KCNIP4: variants seen among roughly 807,000 people sequenced by gnomAD.
The protein encoded by KCNIP4 is potassium voltage-gated channel interacting protein 4, also known as Kv channel-interacting protein 4.
In KCNIP4, 12 loss-of-function variants were observed where a neutral mutation model predicts 34.0. That is an observed-to-expected ratio of 0.35 (90% CI 0.23 to 0.57). The LOEUF (loss-of-function observed/expected upper bound fraction) is 0.57, where lower values mean the gene tolerates loss of function less well. KCNIP4 is among the 20% of genes least tolerant of loss of function. The probability of loss-of-function intolerance (pLI) is 0.83; values close to 1 mark genes in which losing one functional copy is unlikely to be tolerated. For missense variants in KCNIP4, 238 were observed against 311.7 expected, an observed-to-expected ratio of 0.76 and a Z score of 1.78; for synonymous variants, 124 against 102.2, an observed-to-expected ratio of 1.21 and a Z score of -1.29.
At chr4:21,793,745 G>A (rs1720442595) in intron 1 of KCNIP4, among the ~76,000 whole-genome samples, 1 of 152,014 alleles carries the variant, frequency 6.6e-6, no homozygotes, top group Non-Finnish European at 1.5e-5. Context: ...GGGCCCAATT[G>A]CCACTTAAGG....
At chr4:21,393,581 C>T (rs1430177269) in intron 1 of KCNIP4, among the ~76,000 whole-genome samples, 2 of 152,068 alleles carry the variant, frequency 1.3e-5, no homozygotes, top group Non-Finnish European at 2.9e-5. Context: ...TCCATTAGCA[C>T]CTTGGTACGC....
intron 1 of KCNIP4, among the ~76,000 whole-genome samples, chr4:21,523,611 A>G (rs1735723997): frequency 6.6e-6 from 1 of 151,280 alleles, no homozygotes; most frequent in South Asian, 2.1e-4. Context: ...AGTCTCTATC[A>G]CCCAGGTTGG....
chr4:21,380,776 G>C (rs959250), intron 1 of KCNIP4, among the ~76,000 whole-genome samples: 143,388 of 151,978 alleles, frequency 0.94, 67,725 homozygotes, highest in African/African-American at 0.98. Flanking sequence ...CCTCAAAACT[G>C]ATTTTCCTCC....
intron 1 of KCNIP4, among the ~76,000 whole-genome samples, chr4:21,146,963 A>C (rs1252340479): frequency 6.6e-6 from 1 of 152,090 alleles, no homozygotes; most frequent in Non-Finnish European, 1.5e-5. Flanking sequence ...GTGTGTATGT[A>C]TATGTATATA....
At chr4:21,624,104 T>C (rs541828097) in intron 1 of KCNIP4, among the ~76,000 whole-genome samples, 17 of 152,220 alleles carry the variant, frequency 1.1e-4, no homozygotes, top group East Asian at 3.9e-4. Context: ...CTACAATGAA[T>C]AGCGCACAGG....
At chr4:20,760,847 A>G (rs1014774075) in intron 3 of KCNIP4, among the ~76,000 whole-genome samples, 3 of 152,160 alleles carry the variant, frequency 2.0e-5, no homozygotes, top group Non-Finnish European at 2.9e-5. Context: ...ACAAATGAGC[A>G]AGCAAGCAAG....
chr4:21,091,198 T>A (rs942828057), intron 1 of KCNIP4, among the ~76,000 whole-genome samples: 2 of 152,174 alleles, frequency 1.3e-5, no homozygotes, highest in Admixed American at 6.5e-5. Context: ...TCACTCAGCA[T>A]TTATGGAGAA....
At chr4:21,344,595 T>C (rs569970319) in intron 1 of KCNIP4, among the ~76,000 whole-genome samples, 4 of 152,226 alleles carry the variant, frequency 2.6e-5, no homozygotes, top group African/African-American at 4.8e-5. Flanking sequence ...ATAGGTATGA[T>C]GCAAGAAAAA....
chr4:21,727,157 G>A (rs2109104604), intron 1 of KCNIP4, among the ~76,000 whole-genome samples: 1 of 152,288 alleles, frequency 6.6e-6, no homozygotes, highest in East Asian at 1.9e-4. Context: ...CAATGTGATA[G>A]TATTAAGACA....
intron 1 of KCNIP4, among the ~76,000 whole-genome samples, chr4:20,919,475 G>A (rs975445412): frequency 6.6e-6 from 1 of 151,362 alleles, no homozygotes; most frequent in East Asian, 1.9e-4. Context: ...AGGCCGAGGC[G>A]GGCAGATCCC....
intron 1 of KCNIP4, among the ~76,000 whole-genome samples, chr4:20,902,607 C>G (rs984762935): frequency 3.3e-5 from 5 of 152,172 alleles, no homozygotes; most frequent in Non-Finnish European, 5.9e-5. Context: ...GCAACCACCA[C>G]CTCCCGGGTT....
At chr4:21,280,049 C>A (rs1433659558) in intron 1 of KCNIP4, among the ~76,000 whole-genome samples, 1 of 152,140 alleles carries the variant, frequency 6.6e-6, no homozygotes, top group Non-Finnish European at 1.5e-5. Flanking sequence ...TCTAGTCACT[C>A]AGTTTGTCTA....
Position 21,528,748 on chromosome 4 carries a change from AAAG to A in KCNIP4, c.61+419820_61+419822del, listed in dbSNP as rs1736296667. The stretch of plus-strand genomic sequence containing the variant: ...GAAAGAAAGAAAGAAAGAAAGAAAG[AAAG>A]AAAGAAAGAAAGAAAGAAAGAAAGA... On this transcript the variant is annotated intron_variant, in intron 1 of 8. Transcript: ENST00000382152. Among the ~76,000 whole-genome samples the A allele has an allele frequency of 1.9e-3, 24 of 12,668 alleles. 4 individuals are homozygous for A. Among genetic ancestry groups the A allele is most frequent in the African/African-American group, 7.9e-3 (22 of 2,784 alleles). 8.3% of individuals were successfully genotyped at this position (12,668 alleles called of 152,430 possible). A position where few individuals can be genotyped will look rare whatever the true frequency, so the allele number is the denominator to read the frequency against.
intron 1 of KCNIP4, among the ~76,000 whole-genome samples, chr4:21,942,316 C>A (rs1730248221): frequency 6.6e-6 from 1 of 152,090 alleles, no homozygotes; most frequent in Admixed American, 6.6e-5. Context: ...TACAAAGGAC[C>A]ATTTGTGGGG....
intron 1 of KCNIP4, among the ~76,000 whole-genome samples, chr4:21,419,440 A>G (rs890918595): frequency 2.6e-5 from 4 of 152,144 alleles, no homozygotes; most frequent in African/African-American, 9.7e-5. Context: ...GGGAGGCCAA[A>G]TTTAATATCG....
intron 1 of KCNIP4, among the ~76,000 whole-genome samples, chr4:21,578,931 C>A (rs543412280): frequency 5.0e-4 from 76 of 152,270 alleles, no homozygotes; most frequent in Non-Finnish European, 4.1e-4. Flanking sequence ...AGGTGCTTAA[C>A]AAATATCAGT....
At chr4:20,820,417 C>T (rs1421643778) in intron 3 of KCNIP4, among the ~76,000 whole-genome samples, 1 of 152,156 alleles carries the variant, frequency 6.6e-6, no homozygotes, top group Non-Finnish European at 1.5e-5. Flanking sequence ...TATGGAACAG[C>T]TTCTCTTGAC....
intron 1 of KCNIP4, among the ~76,000 whole-genome samples, chr4:21,077,968 A>G (rs1365918628): frequency 1.3e-5 from 2 of 152,104 alleles, no homozygotes; most frequent in African/African-American, 4.8e-5. Flanking sequence ...AAGATTTTTA[A>G]TATGAGTTTT....
At chr4:21,620,955 T>G (rs1744958331) in intron 1 of KCNIP4, among the ~76,000 whole-genome samples, 1 of 152,220 alleles carries the variant, frequency 6.6e-6, no homozygotes, top group Non-Finnish European at 1.5e-5. Context: ...GTTGTTTTCC[T>G]GAGATTCTGA....
Sources: allele counts gnomAD v4.1 joint callset (sites outside exome capture counted in the v4.1 genomes callset), GRCh38; gene constraint gnomAD v4.1.1; transcripts MANE v1.5; gene names NCBI Gene and HGNC (gene_info 2026-07-23, HGNC 2026-07-21).